SLK: variants seen among roughly 807,000 people sequenced by gnomAD.
SLK encodes STE20-like serine/threonine-protein kinase.
A neutral mutation model predicts 147.7 loss-of-function variants in SLK; 67 were observed. The observed-to-expected ratio is 0.45, with a 90% confidence interval of 0.37 to 0.56. SLK has a LOEUF of 0.56. Ranked by LOEUF, SLK falls within the 20% of genes least tolerant of loss-of-function variation. The probability of loss-of-function intolerance (pLI) is 0.00; values close to 1 mark genes in which losing one functional copy is unlikely to be tolerated. For missense variants in SLK, 1,136 were observed against 1,438.8 expected (o/e 0.79, Z 3.41); for synonymous variants, 441 against 475.0 (o/e 0.93, Z 0.93).
chr10:104,017,946 G>A (rs1439919939), intron 13 of SLK, among the ~76,000 whole-genome samples: 1 of 151,822 alleles, frequency 6.6e-6, no homozygotes, highest in Non-Finnish European at 1.5e-5. Context: ...TTCTTAGTGA[G>A]TTGAGAATAT....
intron 1 of SLK, among the ~76,000 whole-genome samples, chr10:103,989,888 A>G (rs546050316): frequency 2.6e-5 from 4 of 152,362 alleles, no homozygotes; most frequent in East Asian, 3.9e-4. Context: ...CCGCACATAC[A>G]TGTTTATAGA....
In SLK at chr10:103,967,150, T is replaced by TCGGCGC. The variant is rs896285484; in HGVS notation, c.-595_-590dup. On this transcript the variant is annotated 5_prime_UTR_variant, in exon 1 of 19. Coordinates refer to ENST00000369755, the MANE Select transcript of SLK (RefSeq NM_014720.4). ...GCGCGGGCGCGCTACGGAGTCGGCGTCGGCGCGCGCTCCAGGCCGAGGCTG... is the reference window on the plus strand; with the variant it reads ...GCGCGGGCGCGCTACGGAGTCGGCGTCGGCGCCGGCGCGCGCTCCAGGCCGAGGCTG... The TCGGCGC allele has an allele frequency of 2.6e-5, 4 of 151,112 alleles. No homozygotes were observed. The highest frequency in any genetic ancestry group is 2.1e-4 in the South Asian group (1 of 4,844). 9.4% of individuals were successfully genotyped at this position (151,112 alleles called of 1,614,324 possible).
chr10:104,025,543 A>T, intron 18 of SLK, 31 bp from the exon 19 acceptor site: 1 of 1,607,684 alleles, frequency 6.2e-7, no homozygotes, highest in Non-Finnish European at 8.5e-7. Flanking sequence ...ATACCAGCAC[A>T]TAGCAATTTC....
At chr10:103,972,415 G>C (rs547248869) in intron 1 of SLK, among the ~76,000 whole-genome samples, 187 of 152,348 alleles carry the variant, frequency 1.2e-3, no homozygotes, top group African/African-American at 4.4e-3. Flanking sequence ...GCTCATGCCT[G>C]TATTCCCAGC....
chr10:104,012,841 A>G (rs1043687061), intron 13 of SLK, among the ~76,000 whole-genome samples: 6 of 152,372 alleles, frequency 3.9e-5, no homozygotes, highest in African/African-American at 1.4e-4. Context: ...TTGGATTTCA[A>G]ACCAGATTAG....
chr10:103,985,742 A>G (rs1844004174), intron 1 of SLK, among the ~76,000 whole-genome samples: 1 of 152,218 alleles, frequency 6.6e-6, no homozygotes, highest in Admixed American at 6.5e-5. Context: ...GAAATACTAT[A>G]TAATGTTAGA....
At position 103,999,261 on chromosome 10, in the gene SLK, C is replaced by T; in HGVS notation, c.730C>T (p.Leu244=). The change falls in exon 6 of 19, where the codon CTG becomes TTG. Residue 244 remains leucine (L), a synonymous_variant. Coordinates refer to ENST00000369755, the MANE Select transcript of SLK (RefSeq NM_014720.4). The part of the protein sequence containing the change: ...PHHELNPMRV[L]LKIAKSEPPT... ...TCATGAATTAAATCCAATGCGAGTGCTGCTAAAAATAGCAAAATCTGAGCC... is the reference window on the plus strand; with the variant it reads ...TCATGAATTAAATCCAATGCGAGTGTTGCTAAAAATAGCAAAATCTGAGCC... 6.2e-7 allele frequency: 1 copy of T among 1,613,454 alleles called. No individual in the cohort carries two copies.
chr10:103,990,289 C>T (rs1844074758), intron 1 of SLK, among the ~76,000 whole-genome samples: 1 of 152,012 alleles, frequency 6.6e-6, no homozygotes, highest in Admixed American at 6.6e-5. Context: ...TTGTTGAAAC[C>T]CATAGATGCA....
intron 11 of SLK, among the ~76,000 whole-genome samples, chr10:104,007,098 G>A (rs1844336714): frequency 6.6e-6 from 1 of 152,000 alleles, no homozygotes; most frequent in African/African-American, 2.4e-5. Context: ...TAATGTGGAA[G>A]ATTGAATCTG....
chr10:104,016,869 C>A (rs1003734829), intron 13 of SLK, among the ~76,000 whole-genome samples: 1 of 152,030 alleles, frequency 6.6e-6, no homozygotes, highest in Admixed American at 6.6e-5. Flanking sequence ...TTGATGTTCT[C>A]GAGGATGTGC....
At chr10:104,003,920 AC>A (rs1318364358) in intron 9 of SLK, among the ~76,000 whole-genome samples, 3 of 152,218 alleles carry the variant, frequency 2.0e-5, no homozygotes, top group African/African-American at 7.2e-5. Flanking sequence ...ATTGGCCCAT[AC>A]AGTCACAGAC....
intron 1 of SLK, among the ~76,000 whole-genome samples, chr10:103,982,945 CACTTAACA>C (rs1843965551): frequency 6.6e-6 from 1 of 152,190 alleles, no homozygotes; most frequent in South Asian, 2.1e-4. Flanking sequence ...TTCCGCAAGT[CACTTAACA>C]CTTATACACC....
chr10:104,003,258 C>T lies in SLK; in HGVS notation c.2080C>T (p.Pro694Ser), dbSNP rs1342202971. Residue 694 changes from proline (P) to serine (S), a missense_variant, in exon 9 of 19, where the codon CCT becomes TCT. Coordinates refer to ENST00000369755, the MANE Select transcript of SLK (RefSeq NM_014720.4). ...AATTCCAGTGTCAATTAAAAAAGAG[C>T]CTGAAGTTACTGTAGTTTCACAGCC... ...KEIPVSIKKE[P>S]EVTVVSQPTE... The T allele has an allele frequency of 1.2e-6, 2 of 1,613,484 alleles. No homozygotes were observed. The highest frequency in any genetic ancestry group is 1.7e-6 in the Non-Finnish European group (2 of 1,179,860).
At chr10:103,997,097 G>A (rs1231527828) in intron 4 of SLK, among the ~76,000 whole-genome samples, 1 of 152,004 alleles carries the variant, frequency 6.6e-6, no homozygotes, top group Non-Finnish European at 1.5e-5. Context: ...ACTCCTCCCA[G>A]CTTCTGGCAA....
intron 11 of SLK, among the ~76,000 whole-genome samples, chr10:104,007,796 T>A (rs963774722): frequency 1.3e-5 from 2 of 151,258 alleles, no homozygotes; most frequent in African/African-American, 2.4e-5. Context: ...AATAAATAAA[T>A]AAAAAGATAA....
chr10:103,990,405 G>C (rs938452218), intron 1 of SLK, among the ~76,000 whole-genome samples: 2 of 152,066 alleles, frequency 1.3e-5, no homozygotes, highest in African/African-American at 2.4e-5. Context: ...TTGATGGGGG[G>C]GTGGTTATGC....
At position 104,003,222 on chromosome 10, in the gene SLK, G is replaced by A; in HGVS notation, c.2044G>A (p.Glu682Lys). ...TAAAGTCACTACTCAGATAGATAAA[G>A]AGAAAAAAGAAATTCCAGTGTCAAT... ...ASKVTTQIDK[E>K]KKEIPVSIKK... Residue 682 changes from glutamate (E) to lysine (K), a missense_variant, in exon 9 of 19, where the codon GAG becomes AAG. Glu to Lys is a moderately conservative substitution (Grantham distance 56). Coordinates refer to ENST00000369755, the MANE Select transcript of SLK (RefSeq NM_014720.4). 6.2e-7 allele frequency: 1 copy of A among 1,610,972 alleles called. No individual in the cohort carries two copies. The highest frequency in any genetic ancestry group is 8.5e-7 in the Non-Finnish European group (1 of 1,179,242).
chr10:104,001,058 C>CAAAA (rs57046306), intron 7 of SLK, among the ~76,000 whole-genome samples: 10 of 71,002 alleles, frequency 1.4e-4, no homozygotes, highest in Admixed American at 1.8e-4. Flanking sequence ...GACTCCGTCT[C>CAAAA]AAAAAAAAAA....
chr10:104,022,249 G>C (rs757785779), intron 18 of SLK, among the ~76,000 whole-genome samples: 9 of 151,524 alleles, frequency 5.9e-5, no homozygotes, highest in Admixed American at 3.9e-4. Context: ...GGAAGGAAGC[G>C]ATGACAGCTG....
Sources: gnomAD v4.1 joint callset for allele counts (sites outside exome capture counted in the v4.1 genomes callset) on GRCh38, gnomAD v4.1.1 for gene constraint, MANE v1.5 for transcripts, NCBI Gene and HGNC (gene_info 2026-07-23, HGNC 2026-07-21) for gene names.